The following TTC19 variants were observed in gnomAD, a reference collection of about 807,000 sequenced individuals.
TTC19 encodes the protein tetratricopeptide repeat domain 19, also known as tetratricopeptide repeat protein 19, mitochondrial.
In TTC19, 38 loss-of-function variants were observed where a neutral mutation model predicts 49.5. That is an observed-to-expected ratio of 0.77 (90% CI 0.59 to 1.01). TTC19 has a LOEUF of 1.01. TTC19 is among the 50% of genes least tolerant of loss of function. TTC19 has a pLI of 0.00. For missense variants in TTC19, 475 were observed against 477.7 expected, an observed-to-expected ratio of 0.99 and a Z score of 0.05; for synonymous variants, 204 against 185.2, an observed-to-expected ratio of 1.10 and a Z score of -0.83.
chr17:16,020,677 C>A (rs1343968971), intron 7 of TTC19, among the ~76,000 whole-genome samples: 1 of 151,718 alleles, frequency 6.6e-6, no homozygotes, highest in African/African-American at 2.4e-5. Context: ...CACTACCCCC[C>A]ACCCCCCAAG....
intron 5 of TTC19, 89 bp downstream of exon 5, chr17:16,003,976 G>T: frequency 2.1e-6 from 3 of 1,420,864 alleles, no homozygotes; most frequent in Non-Finnish European, 3.0e-6. Context: ...CCCACCACAT[G>T]CTTTGGTCAG....
At chr17:16,035,552 T>TA (rs1328195947) in intron 2 of TTC19, among the ~76,000 whole-genome samples, 4 of 147,098 alleles carry the variant, frequency 2.7e-5, no homozygotes, top group Non-Finnish European at 4.5e-5. Context: ...TTTTTTTTTT[T>TA]AAGGCAGGGT....
At chr17:16,015,526 C>T (rs564450300) in intron 7 of TTC19, among the ~76,000 whole-genome samples, 1 of 152,044 alleles carries the variant, frequency 6.6e-6, no homozygotes, top group East Asian at 1.9e-4. Context: ...AAGATGTTTC[C>T]CATTGATTCC....
chr17:16,026,453 T>TA, intron 8 of TTC19, 87 bp from the exon 9 acceptor site: 1 of 1,216,462 alleles, frequency 8.2e-7, no homozygotes, highest in Non-Finnish European at 1.2e-6. Flanking sequence ...GATGAAATCT[T>TA]ATGTATTCAG....
rs753286998 is a variant in TTC19 at position 16,039,674 on chromosome 17, A to G, written c.248-4829A>G. Reference sequence around the variant, plus strand: ...CTGAGCCTGAAAGAGAATCAAAAACATTTCCACTTATTTCTGAAAGGCCAA... The same window carrying G: ...CTGAGCCTGAAAGAGAATCAAAAACGTTTCCACTTATTTCTGAAAGGCCAA... On this transcript the variant is annotated intron_variant, in intron 2 of 2. Transcript: ENST00000470649. 3.1e-6 allele frequency: 5 copies of G among 1,590,702 alleles called. No individual in the cohort carries two copies. The Admixed American group carries it at 7.0e-5, about 22-fold the overall frequency.
At chr17:16,036,198 C>T (rs1243072010) in intron 2 of TTC19, among the ~76,000 whole-genome samples, 2 of 152,310 alleles carry the variant, frequency 1.3e-5, no homozygotes, top group South Asian at 2.1e-4. Context: ...TCTCCTTGAA[C>T]CTTTCCATCA....
At chr17:16,024,593 C>G (rs1014470357) in intron 7 of TTC19, 1 of 243,286 alleles carries the variant, frequency 4.1e-6, no homozygotes, top group Admixed American at 5.3e-5. Context: ...GTGTGAGCCA[C>G]CGCGCCCGGC....
chr17:16,025,133 C>G lies in TTC19; in HGVS notation c.793C>G (p.Gln265Glu). ...ACAAAGGATGTATGAAAAAGCTCTG[C>G]AGATTTCTGAAGAAATACAAGGAGA... ...QAQRMYEKAL[Q>E]ISEEIQGERH... The change falls in exon 8 of 10, where the codon CAG becomes GAG. Residue 265 changes from glutamine (Q) to glutamate (E), a missense_variant. By Grantham distance (29) the Gln-to-Glu change is conservative. Transcript: ENST00000261647. 1 of 1,613,926 alleles carries G rather than the reference C, an allele frequency of 6.2e-7. No homozygotes were observed. The highest frequency in any genetic ancestry group is 1.1e-5 in the South Asian group (1 of 91,070).
Position 16,029,210 on chromosome 17 carries a change from C to G in TTC19, c.*1688C>G, listed in dbSNP as rs1170900716. Reference sequence around the variant, plus strand: ...TAATTTTAAATCATCCACAGTGACTCAGCTCATGGTCTCGTTGTTGGAAAC... The same window carrying G: ...TAATTTTAAATCATCCACAGTGACTGAGCTCATGGTCTCGTTGTTGGAAAC... On this transcript the variant is annotated 3_prime_UTR_variant, in exon 10 of 10. Transcript: ENST00000261647. 1 of 453,894 alleles carries G rather than the reference C, an allele frequency of 2.2e-6. No homozygotes were observed. The highest frequency in any genetic ancestry group is 4.4e-6 in the Non-Finnish European group (1 of 226,722). The allele number at this position is 453,894 out of a possible 1,614,324, so 28.1% of individuals were successfully genotyped here. A position where few individuals can be genotyped will look rare whatever the true frequency, so the allele number is the denominator to read the frequency against.
rs1971468523 is a variant in TTC19, at chr17:16,024,116, A to AC, written c.677-899dup. 2.0e-5 allele frequency: 3 copies of AC among 152,256 alleles called. No homozygotes were observed. In the South Asian group the frequency reaches 6.2e-4, roughly 32 times the overall value. 9.4% of individuals were successfully genotyped at this position (152,256 alleles called of 1,614,324 possible). On this transcript the variant is annotated intron_variant, in intron 7 of 9. Coordinates refer to ENST00000261647, the MANE Select transcript of TTC19 (RefSeq NM_017775.4). Reference sequence around the variant, plus strand: ...AGTCTTACCCAGGTTGATATAGGTTACCGTTCTCTAGATCTGTGTCTCCAA... The same window carrying AC: ...AGTCTTACCCAGGTTGATATAGGTTACCCGTTCTCTAGATCTGTGTCTCCAA...
intron 6 of TTC19, among the ~76,000 whole-genome samples, chr17:16,005,230 C>T (rs1970865026): frequency 6.6e-6 from 1 of 152,208 alleles, no homozygotes; most frequent in African/African-American, 2.4e-5. Context: ...ATGGCCAGAT[C>T]TGAGGCTTCG....
intron 7 of TTC19, among the ~76,000 whole-genome samples, chr17:16,010,254 A>G (rs1597456270): frequency 2.0e-5 from 3 of 146,364 alleles, no homozygotes; most frequent in African/African-American, 7.7e-5. Context: ...GCTCACTGCA[A>G]CCTCCGCCTC....
rs557654875 is a variant in TTC19 at position 16,000,227 on chromosome 17, G to A, written c.294G>A (p.Gln98=). The A allele has an allele frequency of 2.5e-6, 4 of 1,595,356 alleles. No individual in the cohort carries two copies. The highest frequency in any genetic ancestry group is 1.7e-5 in the Admixed American group (1 of 59,952). Residue 98 remains glutamine, a synonymous_variant, in exon 2 of 10, where the codon CAG becomes CAA. Transcript: ENST00000261647. ...GADEAEAEII[Q]LLKRAKLSIM... ...ACGAGGCCGAGGCAGAGATCATCCA[G>A]CTGCTGAAGCGAGCCAAGGTGAGGC... is the stretch of plus-strand genomic sequence containing the variant.
chr17:16,025,505 A>G (rs1019683228), intron 8 of TTC19, among the ~76,000 whole-genome samples: 1 of 152,154 alleles, frequency 6.6e-6, no homozygotes, highest in Admixed American at 6.5e-5. Flanking sequence ...CCCCTATTAG[A>G]AGCTTATGAG....
intron 2 of TTC19, among the ~76,000 whole-genome samples, chr17:16,038,915 C>T (rs2057004422): frequency 6.6e-6 from 1 of 152,152 alleles, no homozygotes; most frequent in Admixed American, 6.5e-5. Context: ...GGATTACAGG[C>T]ACACGCCATC....
At chr17:16,017,192 G>A (rs571633374) in intron 7 of TTC19, among the ~76,000 whole-genome samples, 1 of 152,116 alleles carries the variant, frequency 6.6e-6, no homozygotes, top group South Asian at 2.1e-4. Flanking sequence ...GTCATTTTCA[G>A]TGTATCTTTT....
intron 7 of TTC19, among the ~76,000 whole-genome samples, chr17:16,020,828 A>C (rs1567584922): frequency 6.6e-6 from 1 of 151,698 alleles, no homozygotes; most frequent in Non-Finnish European, 1.5e-5. Context: ...ACGTGCCACC[A>C]TGTCTGGCTT....
Position 16,028,965 on chromosome 17 carries a change from ATAT to A in TTC19, c.*1448_*1450del. ...TTCTTCCTATTTTCTGTCTAATCTC[ATAT>A]TATTTACCATGCAGCTAATGCCGTT... On this transcript the variant is annotated 3_prime_UTR_variant, in exon 10 of 10. Transcript: ENST00000261647. 2.3e-6 allele frequency: 1 copy of A among 426,202 alleles called. No individual in the cohort carries two copies. Among genetic ancestry groups the A allele is most frequent in the South Asian group, 1.7e-5 (1 of 57,594 alleles). 26.4% of individuals were successfully genotyped at this position (426,202 alleles called of 1,614,324 possible).
downstream of TTC19, among the ~76,000 whole-genome samples, chr17:16,033,330 C>T (rs367764599): frequency 2.1e-3 from 276 of 131,702 alleles, 2 homozygotes; most frequent in Middle Eastern, 0.012. Context: ...AACGAAACTC[C>T]GTCTCCAAAA....
Sources: gnomAD v4.1 joint callset for allele counts (sites outside exome capture counted in the v4.1 genomes callset) on GRCh38, gnomAD v4.1.1 for gene constraint, MANE v1.5 for transcripts, NCBI Gene and HGNC (gene_info 2026-07-23, HGNC 2026-07-21) for gene names.